SYT10: variants seen among roughly 807,000 people sequenced by gnomAD.
The protein encoded by SYT10 is synaptotagmin 10, also known as synaptotagmin-10.
A neutral mutation model predicts 51.1 loss-of-function variants in SYT10; 31 were observed. The ratio of observed to expected loss-of-function variants is 0.61; its 90% CI spans 0.46 to 0.82. The LOEUF (loss-of-function observed/expected upper bound fraction) is 0.82, where lower values mean the gene tolerates loss of function less well. SYT10 is among the 40% of genes least tolerant of loss of function. SYT10 has a pLI of 0.00. For missense variants in SYT10, 603 were observed against 634.0 expected, an observed-to-expected ratio of 0.95 and a Z score of 0.53; for synonymous variants, 233 against 225.9, an observed-to-expected ratio of 1.03 and a Z score of -0.28.
intron 1 of SYT10, among the ~76,000 whole-genome samples, chr12:33,433,952 T>G (rs972150839): frequency 6.6e-6 from 1 of 152,206 alleles, no homozygotes; most frequent in Non-Finnish European, 1.5e-5. Flanking sequence ...AGTGATGATT[T>G]GAAGGGAGGT....
intron 5 of SYT10, among the ~76,000 whole-genome samples, chr12:33,380,182 A>G (rs1276551279): frequency 3.3e-5 from 5 of 152,190 alleles, no homozygotes; most frequent in Non-Finnish European, 7.3e-5. Context: ...CACACAAACC[A>G]TTTCAGTGCT....
chr12:33,377,840 C>A (rs1866077400), intron 6 of SYT10, among the ~76,000 whole-genome samples: 1 of 151,810 alleles, frequency 6.6e-6, no homozygotes, highest in Non-Finnish European at 1.5e-5. Context: ...GTTGGCCAGG[C>A]TGGTCTTGAA....
At chr12:33,380,019 C>A in intron 5 of SYT10, 58 bp from the exon 6 acceptor site, 1 of 1,518,888 alleles carries the variant, frequency 6.6e-7, no homozygotes, top group Non-Finnish European at 8.9e-7. Flanking sequence ...AAGGGGGTTT[C>A]ACAAATCGTA....
At position 33,376,712 on chromosome 12, in the gene SYT10, A is replaced by T. The variant is rs10844567; in HGVS notation, c.*118T>A. On this transcript the variant is annotated 3_prime_UTR_variant, in exon 7 of 7. Coordinates refer to ENST00000228567, the MANE Select transcript of SYT10 (RefSeq NM_198992.4). Reference sequence around the variant, plus strand: ...AAAAGCAAATAAAAAAGTGCACATCAAGTTTGTTCATTAGTACGGATATAT... The same window carrying T: ...AAAAGCAAATAAAAAAGTGCACATCTAGTTTGTTCATTAGTACGGATATAT... 265,646 of 1,119,560 alleles carry T rather than the reference A, an allele frequency of 0.24. 35,981 individuals are homozygous for T. The highest frequency in any genetic ancestry group is 0.52 in the African/African-American group (33,105 of 63,874). 69.4% of individuals were successfully genotyped at this position (1,119,560 alleles called of 1,614,324 possible).
chr12:33,414,734 T>A (rs1345948190), intron 2 of SYT10, among the ~76,000 whole-genome samples: 1 of 152,080 alleles, frequency 6.6e-6, no homozygotes, highest in Non-Finnish European at 1.5e-5. Flanking sequence ...GCAGGGAAGA[T>A]CTAAAATTGA....
intron 2 of SYT10, among the ~76,000 whole-genome samples, chr12:33,420,636 A>T (rs1866494604): frequency 6.6e-6 from 1 of 152,192 alleles, no homozygotes; most frequent in African/African-American, 2.4e-5. Flanking sequence ...TGGGCAACAG[A>T]GTGAGACTCT....
intron 1 of SYT10, among the ~76,000 whole-genome samples, chr12:33,429,047 A>G (rs1376832522): frequency 6.6e-6 from 1 of 152,170 alleles, no homozygotes; most frequent in Non-Finnish European, 1.5e-5. Flanking sequence ...AGGTGTTTTC[A>G]TTAGGATTTG....
At chr12:33,424,077 A>C (rs1465498453) in intron 2 of SYT10, 3 of 449,834 alleles carry the variant, frequency 6.7e-6, no homozygotes, top group Non-Finnish European at 1.3e-5. Context: ...AAAACTCTGA[A>C]TGTGTGTTGC....
intron 6 of SYT10, among the ~76,000 whole-genome samples, chr12:33,378,196 T>C (rs914247445): frequency 7.2e-5 from 11 of 152,206 alleles, no homozygotes; most frequent in Admixed American, 7.2e-4. Context: ...AATAACTATC[T>C]GGGATCTTTT....
chr12:33,380,014 G>A, intron 5 of SYT10, 53 bp from the exon 6 acceptor site: 2 of 1,518,102 alleles, frequency 1.3e-6, no homozygotes, highest in African/African-American at 1.4e-5. Context: ...AGATAAAGGG[G>A]GTTTCACAAA....
chr12:33,439,295 C>G, intron 1 of SYT10, 77 bp downstream of exon 1: 1 of 1,517,730 alleles, frequency 6.6e-7, no homozygotes, highest in Non-Finnish European at 8.8e-7. Flanking sequence ...GCGGGAGGCG[C>G]AGAACCCCGG....
At chr12:33,431,692 T>C (rs1329054543) in intron 1 of SYT10, among the ~76,000 whole-genome samples, 1 of 152,198 alleles carries the variant, frequency 6.6e-6, no homozygotes, top group African/African-American at 2.4e-5. Context: ...TTGTTATTTG[T>C]GTATGCGCTA....
intron 2 of SYT10, 121 bp downstream of exon 2, chr12:33,426,017 T>C (rs1866547673): frequency 1.0e-6 from 1 of 991,780 alleles, no homozygotes; most frequent in South Asian, 1.7e-5. Context: ...CCATTTCTCC[T>C]GTTTCTCTTT....
chr12:33,421,305 T>C (rs889233960), intron 2 of SYT10, among the ~76,000 whole-genome samples: 6 of 152,236 alleles, frequency 3.9e-5, no homozygotes, highest in African/African-American at 1.2e-4. Context: ...TTTTGTTTCA[T>C]GTTCAATTTG....
chr12:33,385,047 T>A, intron 4 of SYT10, 124 bp downstream of exon 4: 1 of 1,141,420 alleles, frequency 8.8e-7, no homozygotes. Flanking sequence ...ATTTGTAATC[T>A]TTTTTTTTCT....
intron 3 of SYT10, among the ~76,000 whole-genome samples, chr12:33,403,711 T>C (rs1044619868): frequency 6.6e-6 from 1 of 152,204 alleles, no homozygotes; most frequent in Non-Finnish European, 1.5e-5. Context: ...GACTCAATAA[T>C]TTCTGCATGA....
chr12:33,430,951 T>G (rs1378865789), intron 1 of SYT10, among the ~76,000 whole-genome samples: 1 of 152,200 alleles, frequency 6.6e-6, no homozygotes, highest in Non-Finnish European at 1.5e-5. Flanking sequence ...TAATAGTGAC[T>G]GAAACAAGAT....
At chr12:33,403,937 C>G (rs1472305847) in intron 3 of SYT10, among the ~76,000 whole-genome samples, 2 of 152,094 alleles carry the variant, frequency 1.3e-5, no homozygotes, top group African/African-American at 2.4e-5. Context: ...TGTTCCCAAA[C>G]AAAAACCCAG....
intron 2 of SYT10, among the ~76,000 whole-genome samples, chr12:33,419,880 C>A (rs1866486941): frequency 6.6e-6 from 1 of 152,110 alleles, no homozygotes; most frequent in Non-Finnish European, 1.5e-5. Flanking sequence ...TTAAAAAATT[C>A]TCAATAATAA....
Sources: gnomAD v4.1 joint callset for allele counts (sites outside exome capture counted in the v4.1 genomes callset) on GRCh38, gnomAD v4.1.1 for gene constraint, MANE v1.5 for transcripts, NCBI Gene and HGNC (gene_info 2026-07-23, HGNC 2026-07-21) for gene names.